Variants in ERC2 observed in about 807,000 individuals in gnomAD.
ERC2 encodes the protein ELKS/RAB6-interacting/CAST family member 2.
A neutral mutation model predicts 114.8 loss-of-function variants in ERC2; 42 were observed. The observed-to-expected ratio is 0.37, with a 90% CI of 0.29 to 0.47. The LOEUF is 0.47. ERC2 is among the 20% of genes least tolerant of loss of function. The pLI is 0.99. For synonymous variants in ERC2, 454 were observed against 425.5 expected (o/e 1.07, Z -0.82); for missense variants, 939 against 1,150.7 (o/e 0.82, Z 2.66).
At chr3:55,840,182 T>C (rs924482047) in intron 14 of ERC2, among the ~76,000 whole-genome samples, 1 of 151,900 alleles carries the variant, frequency 6.6e-6, no homozygotes, top group Admixed American at 6.6e-5. Flanking sequence ...AGCTTCAAAA[T>C]AAGTAAAGCA....
At chr3:55,587,267 C>T (rs1397242393) in intron 17 of ERC2, among the ~76,000 whole-genome samples, 7 of 152,174 alleles carry the variant, frequency 4.6e-5, no homozygotes, top group Non-Finnish European at 8.8e-5. Flanking sequence ...GATTCTCCTG[C>T]CTCAGCCTCC....
chr3:55,926,428 A>AC (rs1559881114), intron 13 of ERC2, among the ~76,000 whole-genome samples: 7 of 151,096 alleles, frequency 4.6e-5, no homozygotes, highest in Non-Finnish European at 8.9e-5. Flanking sequence ...AAAAAAAAAA[A>AC]CTAAAAGATC....
At chr3:55,557,825 C>T (rs1459848855) in intron 17 of ERC2, among the ~76,000 whole-genome samples, 1 of 152,206 alleles carries the variant, frequency 6.6e-6, no homozygotes, top group African/African-American at 2.4e-5. Flanking sequence ...CACCCTTTTA[C>T]CTAAGCAACT....
intron 12 of ERC2, among the ~76,000 whole-genome samples, chr3:55,976,846 C>T (rs1353066531): frequency 6.6e-6 from 1 of 152,184 alleles, no homozygotes; most frequent in East Asian, 1.9e-4. Context: ...TACTAAGAGA[C>T]TGTGTCCCCA....
intron 16 of ERC2, among the ~76,000 whole-genome samples, chr3:55,687,349 C>T (rs1477378264): frequency 6.7e-6 from 1 of 149,204 alleles, no homozygotes; most frequent in Non-Finnish European, 1.5e-5. Flanking sequence ...TAGGTATAGC[C>T]AGCAGGCAAA....
At chr3:56,053,669 TG>T (rs1490310898) in intron 7 of ERC2, among the ~76,000 whole-genome samples, 1 of 152,118 alleles carries the variant, frequency 6.6e-6, no homozygotes, top group African/African-American at 2.4e-5. Context: ...TCTACAAAAA[TG>T]GGCATAATAG....
Position 56,095,282 on chromosome 3 carries a change from T to C in ERC2, c.1474-14298A>G, listed in dbSNP as rs187128828. Among the ~76,000 whole-genome samples, 147 of 152,114 alleles carry C rather than the reference T, an allele frequency of 9.7e-4. 1 individual carries two copies. The highest frequency in any genetic ancestry group is 1.2e-3 in the South Asian group (6 of 4,814). ...ATGAAAAAATTTTAAAAAGAAAATATGGGGGCCCTTCTTTTTATTCATAGG... is the reference window on the plus strand; with the variant it reads ...ATGAAAAAATTTTAAAAAGAAAATACGGGGGCCCTTCTTTTTATTCATAGG... On this transcript the variant is annotated intron_variant, in intron 6 of 17. Transcript: ENST00000288221.
At chr3:56,266,666 T>C (rs1055297720) in intron 3 of ERC2, among the ~76,000 whole-genome samples, 3 of 151,988 alleles carry the variant, frequency 2.0e-5, no homozygotes, top group Non-Finnish European at 4.4e-5. Flanking sequence ...GAGGCTGAGG[T>C]ATAAGGACCA....
chr3:55,788,818 A>C (rs996466636), intron 14 of ERC2, among the ~76,000 whole-genome samples: 3 of 152,222 alleles, frequency 2.0e-5, no homozygotes, highest in Non-Finnish European at 2.9e-5. Flanking sequence ...ACATGCATAC[A>C]GAACATTTCA....
chr3:56,057,138 T>C (rs2076052471), intron 7 of ERC2, among the ~76,000 whole-genome samples: 1 of 152,164 alleles, frequency 6.6e-6, no homozygotes, highest in African/African-American at 2.4e-5. Context: ...CTCTAAATCT[T>C]AACACTTATT....
intron 17 of ERC2, among the ~76,000 whole-genome samples, chr3:55,683,321 A>G (rs1212230693): frequency 6.6e-6 from 1 of 152,194 alleles, no homozygotes; most frequent in Admixed American, 6.5e-5. Flanking sequence ...TGATAGTTTC[A>G]GCTCCATGAA....
At chr3:56,152,516 T>A (rs2081476605) in intron 4 of ERC2, among the ~76,000 whole-genome samples, 1 of 151,926 alleles carries the variant, frequency 6.6e-6, no homozygotes, top group African/African-American at 2.4e-5. Flanking sequence ...TAAGACAACA[T>A]CAGTGAAAGA....
chr3:56,238,349 G>A (rs1252665942), intron 3 of ERC2, among the ~76,000 whole-genome samples: 2 of 152,208 alleles, frequency 1.3e-5, no homozygotes, highest in African/African-American at 4.8e-5. Flanking sequence ...TCCTTGTTCA[G>A]AGGATGTAAT....
chr3:55,619,901 T>C (rs559432205), intron 17 of ERC2, among the ~76,000 whole-genome samples: 138 of 152,310 alleles, frequency 9.1e-4, no homozygotes, highest in African/African-American at 3.1e-3. Context: ...AAACTTCATC[T>C]CTTGAGTTCA....
At chr3:55,859,056 G>T (rs973734114) in intron 14 of ERC2, among the ~76,000 whole-genome samples, 4 of 152,124 alleles carry the variant, frequency 2.6e-5, no homozygotes, top group African/African-American at 9.7e-5. Flanking sequence ...AGTTGGACAT[G>T]GCCATGTACT....
At chr3:56,338,037 T>C (rs2057929186) in intron 2 of ERC2, among the ~76,000 whole-genome samples, 1 of 152,222 alleles carries the variant, frequency 6.6e-6, no homozygotes, top group Non-Finnish European at 1.5e-5. Flanking sequence ...TGGTTACATT[T>C]GTATAAAGTT....
At chr3:56,032,887 G>GAAAGAAAGAAAGAAAGAA (rs1366582563) in intron 7 of ERC2, among the ~76,000 whole-genome samples, 14 of 102,686 alleles carry the variant, frequency 1.4e-4, no homozygotes, top group South Asian at 3.2e-4. Flanking sequence ...AAGAAAGAAA[G>GAAAGAAAGAAAGAAAGAA]AGAGAGAGAG....
At chr3:56,176,131 G>T (rs770579840) in intron 3 of ERC2, among the ~76,000 whole-genome samples, 1 of 152,184 alleles carries the variant, frequency 6.6e-6, no homozygotes, top group Non-Finnish European at 1.5e-5. Flanking sequence ...CTTAGTAAGT[G>T]TTAGAAGAAA....
intron 13 of ERC2, among the ~76,000 whole-genome samples, chr3:55,907,187 TTA>T (rs1179556169): frequency 2.0e-5 from 3 of 152,134 alleles, no homozygotes; most frequent in Non-Finnish European, 4.4e-5. Flanking sequence ...CTTGCCGGAT[TTA>T]TCAGTAGGCT....
Sources: gnomAD v4.1 joint callset for allele counts (sites outside exome capture counted in the v4.1 genomes callset) on GRCh38, gnomAD v4.1.1 for gene constraint, MANE v1.5 for transcripts, NCBI Gene and HGNC (gene_info 2026-07-23, HGNC 2026-07-21) for gene names.